The following ASXL2 variants were observed in gnomAD, a reference collection of about 807,000 sequenced individuals.
ASXL2 encodes the protein ASXL transcriptional regulator 2, also known as putative Polycomb group protein ASXL2.
In ASXL2, 23 loss-of-function variants were observed where a neutral mutation model predicts 122.0. That is an observed-to-expected ratio of 0.19 (90% CI 0.14 to 0.27). The LOEUF is 0.27. Among genes scored for constraint, ASXL2 ranks in the 10% least tolerant of loss-of-function variants. ASXL2 has a pLI of 1.00. For missense variants in ASXL2, 1,518 were observed against 1,713.8 expected, an observed-to-expected ratio of 0.89 and a Z score of 2.02; for synonymous variants, 650 against 637.0, an observed-to-expected ratio of 1.02 and a Z score of -0.31.
At chr2:25,815,828 G>A (rs766163001) in intron 3 of ASXL2, among the ~76,000 whole-genome samples, 1 of 152,116 alleles carries the variant, frequency 6.6e-6, no homozygotes, top group South Asian at 2.1e-4. Context: ...TTTACATCGT[G>A]TTTCCTGTCA....
chr2:25,750,182 G>A lies in ASXL2; in HGVS notation c.1374C>T (p.Ser458=), dbSNP rs142140830. ...ESQGEVQPNF[S]TSSEPLLSSA... ...AGGAAAGCAGGGGCTCTGAAGATGT[G>A]GAGAAGTTCGGCTGCACTTCACCTT... Residue 458 remains serine, a synonymous_variant, in exon 12 of 13, where the codon TCC becomes TCT. Transcript: ENST00000435504. 5 of 1,613,942 alleles carry A rather than the reference G, an allele frequency of 3.1e-6. No homozygotes were observed. In the East Asian group the frequency reaches 1.1e-4, roughly 36 times the overall value.
chr2:25,754,134 G>A (rs2088092926), intron 10 of ASXL2, among the ~76,000 whole-genome samples: 2 of 152,014 alleles, frequency 1.3e-5, no homozygotes, highest in African/African-American at 4.8e-5. Flanking sequence ...TAAAAAGGTA[G>A]GGAGTTATTC....
At chr2:25,828,215 G>C (rs566730560) in intron 3 of ASXL2, among the ~76,000 whole-genome samples, 51 of 152,214 alleles carry the variant, frequency 3.4e-4, no homozygotes, top group African/African-American at 1.2e-3. Flanking sequence ...TAAGATCCTT[G>C]TCCAGGCCAG....
Position 25,744,588 on chromosome 2 carries a change from G to A in ASXL2, c.1861-112C>T. 1 of 1,222,492 alleles carries A rather than the reference G, an allele frequency of 8.2e-7. No homozygotes were observed. The highest frequency in any genetic ancestry group is 2.5e-5 in the East Asian group (1 of 40,218). 75.7% of individuals were successfully genotyped at this position (1,222,492 alleles called of 1,614,324 possible). A position where few individuals can be genotyped will look rare whatever the true frequency, so the allele number is the denominator to read the frequency against. ...AACAGATGAACACTACAGTACCTGT[G>A]ACAAACATGGGTGGTCTATGGCCGA... On this transcript the variant is annotated intron_variant, in intron 12 of 12. Transcript: ENST00000435504. The surrounding 1 kb of genome is among the most constrained non-coding windows in gnomAD (Gnocchi z 4.7).
chr2:25,755,988 C>A (rs371413513), intron 10 of ASXL2, 30 bp downstream of exon 10: 1 of 1,571,578 alleles, frequency 6.4e-7, no homozygotes, highest in East Asian at 2.2e-5. Context: ...GCACACACCA[C>A]CTGGGAGACA....
At chr2:25,861,119 TA>T (rs1369295098) in intron 1 of ASXL2, among the ~76,000 whole-genome samples, 1 of 151,876 alleles carries the variant, frequency 6.6e-6, no homozygotes, top group African/African-American at 2.4e-5. Flanking sequence ...AAACAAAAAT[TA>T]TAACAGAAAA....
intron 8 of ASXL2, among the ~76,000 whole-genome samples, chr2:25,767,070 CCTT>C (rs2088366211): frequency 6.6e-6 from 1 of 152,100 alleles, no homozygotes; most frequent in South Asian, 2.1e-4. Flanking sequence ...GCTGTGGTCT[CCTT>C]GTTTTCTTCA....
chr2:25,759,717 T>C (rs973365658), intron 8 of ASXL2, 72 bp from the exon 9 acceptor site: 3 of 1,471,002 alleles, frequency 2.0e-6, no homozygotes, highest in Non-Finnish European at 2.8e-6. Flanking sequence ...TAGCTTTCTG[T>C]GCAGTATAAA....
intron 1 of ASXL2, among the ~76,000 whole-genome samples, chr2:25,850,925 G>A (rs970831572): frequency 2.6e-5 from 4 of 152,126 alleles, no homozygotes; most frequent in African/African-American, 9.7e-5. Flanking sequence ...GACCACCTGA[G>A]GTCAGGAGTT....
rs966099467 is a variant in ASXL2 at position 25,744,304 on chromosome 2, G to T, written c.2033C>A (p.Ala678Asp). ...AACTGAGGCGGCTGCAGCAGCTGCG[G>T]CGGCAGCGGCAGCTGCTGCCCTCTG... ...KAQRAAAAAA[A>D]AAAAAASVGG... The change falls in exon 13 of 13, where the codon GCC becomes GAC. Residue 678 changes from alanine to aspartate, a missense_variant. Coordinates refer to ENST00000435504, the MANE Select transcript of ASXL2 (RefSeq NM_018263.6). The surrounding 1 kb of genome is among the most constrained non-coding windows in gnomAD (Gnocchi z 4.7). 6.2e-7 allele frequency: 1 copy of T among 1,611,316 alleles called. No individual in the cohort carries two copies. Among genetic ancestry groups the T allele is most frequent in the East Asian group, 2.2e-5 (1 of 44,872 alleles).
chr2:25,836,488 GA>G (rs142664005), intron 2 of ASXL2, among the ~76,000 whole-genome samples: 6,478 of 151,558 alleles, frequency 0.043, 211 homozygotes, highest in African/African-American at 0.081. Flanking sequence ...AGAGATATGG[GA>G]AAAAAAATAG....
At chr2:25,831,385 G>A (rs2089449615) in intron 3 of ASXL2, among the ~76,000 whole-genome samples, 2 of 152,042 alleles carry the variant, frequency 1.3e-5, no homozygotes, top group Admixed American at 6.6e-5. Context: ...CACAGGCCAG[G>A]CACAATGGCA....
chr2:25,811,369 T>C (rs1233761099), intron 3 of ASXL2, among the ~76,000 whole-genome samples: 1 of 151,472 alleles, frequency 6.6e-6, no homozygotes, highest in Non-Finnish European at 1.5e-5. Context: ...ATATTGACTG[T>C]ATAAAATAAA....
At chr2:25,813,099 A>T (rs1397485373) in intron 3 of ASXL2, among the ~76,000 whole-genome samples, 2 of 152,238 alleles carry the variant, frequency 1.3e-5, no homozygotes, top group African/African-American at 4.8e-5. Context: ...CTACCTGGTA[A>T]ATTTACCCCA....
intron 4 of ASXL2, among the ~76,000 whole-genome samples, chr2:25,804,911 G>A (rs1165300125): frequency 3.3e-5 from 5 of 152,236 alleles, no homozygotes; most frequent in African/African-American, 1.2e-4. Flanking sequence ...TTAGCTGGGC[G>A]TGGTGGTGGG....
At chr2:25,874,394 T>C (rs2089994625) in intron 1 of ASXL2, among the ~76,000 whole-genome samples, 1 of 152,104 alleles carries the variant, frequency 6.6e-6, no homozygotes, top group Non-Finnish European at 1.5e-5. Context: ...GAAGCTGAGC[T>C]GGGAGGATTG....
intron 7 of ASXL2, 80 bp from the exon 8 acceptor site, chr2:25,767,806 C>T (rs536623973): frequency 5.3e-6 from 8 of 1,517,456 alleles, no homozygotes; most frequent in East Asian, 4.5e-5. Context: ...TCAACATTCA[C>T]TAAATGAAGT....
chr2:25,753,729 T>G lies in ASXL2; in HGVS notation c.1037-90A>C, dbSNP rs1036403043. On this transcript the variant is annotated intron_variant, in intron 10 of 12. Transcript: ENST00000435504. Reference sequence around the variant, plus strand: ...AAATCATGAAAGACTCACGCAGGAATTGGAATACTACCATGTGAAAGTAAC... The same window carrying G: ...AAATCATGAAAGACTCACGCAGGAAGTGGAATACTACCATGTGAAAGTAAC... 23 of 973,032 alleles carry G rather than the reference T, an allele frequency of 2.4e-5. No individual in the cohort carries two copies. In the Admixed American group the frequency reaches 4.6e-4, roughly 19 times the overall value. 60.3% of individuals were successfully genotyped at this position (973,032 alleles called of 1,614,324 possible).
chr2:25,807,951 G>A (rs1375904276), intron 3 of ASXL2, among the ~76,000 whole-genome samples: 1 of 146,606 alleles, frequency 6.8e-6, no homozygotes, highest in Non-Finnish European at 1.5e-5. Context: ...CCCAGCCCGG[G>A]GGTAAATCCT....
Sources: gnomAD v4.1 joint callset for allele counts (sites outside exome capture counted in the v4.1 genomes callset) on GRCh38, gnomAD v4.1.1 for gene constraint, Gnocchi (gnomAD v3.1) non-coding constraint, MANE v1.5 for transcripts, NCBI Gene and HGNC (gene_info 2026-07-23, HGNC 2026-07-21) for gene names.